Variants in CLIC1 observed in about 807,000 individuals in gnomAD.
CLIC1 encodes the protein CLIC family member 1.
Under a neutral mutation model 26.4 loss-of-function variants are expected in CLIC1, and 16 were observed. The observed-to-expected ratio is 0.61, with a 90% CI of 0.41 to 0.92. The LOEUF is 0.92. Among genes scored for constraint, CLIC1 ranks in the 40% least tolerant of loss-of-function variants. The pLI is 0.00. For missense variants in CLIC1, 225 were observed against 289.7 expected (o/e 0.78, Z 1.62); for synonymous variants, 98 against 120.8 (o/e 0.81, Z 1.24).
rs1808323320 is a variant in CLIC1, at chr6:31,736,255, T to C, written c.39+7A>G. The C allele has an allele frequency of 1.2e-6, 2 of 1,612,758 alleles. No homozygotes were observed. The highest frequency in any genetic ancestry group is 8.5e-7 in the Non-Finnish European group (1 of 1,179,904). ...ATTTGGGTGGCTGAGGAGAGAAGTG[T>C]TCTTACCTTCACGAACAATTCGACC... On this transcript the variant is annotated splice_region_variant and intron_variant, in intron 1 of 5. Transcript: ENST00000375784. This position sits in a 1 kb window ranked among gnomAD's most constrained non-coding sequence, Gnocchi z 5.0.
intron 1 of CLIC1, among the ~76,000 whole-genome samples, chr6:31,735,807 CCACACACACACACACACACA>C (rs9281564): frequency 8.0e-6 from 1 of 124,892 alleles, no homozygotes; most frequent in Non-Finnish European, 1.7e-5. Context: ...GCGTCTCCAT[CCACACACACACACACACACA>C]CACACACACA....
Position 31,730,985 on chromosome 6 carries a change from G to C in CLIC1, c.583C>G (p.Arg195Gly). 1.9e-6 allele frequency: 3 copies of C among 1,612,800 alleles called. No individual in the cohort carries two copies. The highest frequency in any genetic ancestry group is 1.3e-5 in the African/African-American group (1 of 75,030). ...AAGGCCTCGGGGATGGTGAATCCCC[G>C]GTACTTCTTACACACCACCTGAGGA... Residue 195 changes from arginine (R) to glycine (G), a missense_variant, in exon 6 of 6, where the codon CGG becomes GGG. Physicochemically the swap from Arg to Gly is moderately radical, Grantham distance 125. Coordinates refer to ENST00000375784, the Ensembl canonical transcript of CLIC1. This position sits in a 1 kb window ranked among gnomAD's most constrained non-coding sequence, Gnocchi z 5.1.
intron 5 of CLIC1, among the ~76,000 whole-genome samples, chr6:31,731,325 A>G (rs1418551489): frequency 1.3e-5 from 2 of 149,570 alleles, no homozygotes; most frequent in Admixed American, 6.7e-5. Flanking sequence ...TTTTTTTGAG[A>G]TGGAGTCTTG....
Position 31,736,221 on chromosome 6 carries a change from C to T in CLIC1, c.39+41G>A. ...GGACCGGGGGAAAGGTGAGAGTTGG[C>T]TTCCAGGAATTTGGGTGGCTGAGGA... On this transcript the variant is annotated intron_variant, in intron 1 of 5. Coordinates refer to ENST00000375784, the Ensembl canonical transcript of CLIC1. This position sits in a 1 kb window ranked among gnomAD's most constrained non-coding sequence, Gnocchi z 5.0. 6.2e-6 allele frequency: 10 copies of T among 1,608,674 alleles called. No individual in the cohort carries two copies. The highest frequency in any genetic ancestry group is 8.5e-6 in the Non-Finnish European group (10 of 1,176,256).
In CLIC1 at chr6:31,733,627, C is replaced by A; in HGVS notation, c.321G>T (p.Gly107=). ...CAGAAAATTTGGCAAATATGTCCAG[C>A]CCAGCTGTGTTGGACTCAGGGTTCA... The change falls in exon 4 of 6, where the codon GGG becomes GGT. Residue 107 remains glycine, a synonymous_variant. Transcript: ENST00000375784. The surrounding 1 kb of genome is among the most constrained non-coding windows in gnomAD (Gnocchi z 5.4). 6.2e-7 allele frequency: 1 copy of A among 1,613,070 alleles called. No individual in the cohort carries two copies. Among genetic ancestry groups the A allele is most frequent in the Middle Eastern group, 1.6e-4 (1 of 6,062 alleles).
rs149244360 is a variant in CLIC1, at chr6:31,734,886, G to C, written c.40-623C>G. Among the ~76,000 whole-genome samples, 9 of 152,212 alleles carry C rather than the reference G, an allele frequency of 5.9e-5. No homozygotes were observed. Among genetic ancestry groups the C allele is most frequent in the Non-Finnish European group, 1.0e-4 (7 of 67,994 alleles). ...CCTTCCTGTCAAGGATGTGGGGGAA[G>C]GGACAGTGAGGATGAGGCCTGGGCA... is the stretch of plus-strand genomic sequence containing the variant. On this transcript the variant is annotated intron_variant, in intron 1 of 5. Coordinates refer to ENST00000375784, the Ensembl canonical transcript of CLIC1. The surrounding 1 kb of genome is among the most constrained non-coding windows in gnomAD (Gnocchi z 5.3).
At chr6:31,735,727 G>A (rs573876155) in intron 1 of CLIC1, among the ~76,000 whole-genome samples, 94 of 149,380 alleles carry the variant, frequency 6.3e-4, no homozygotes, top group Non-Finnish European at 1.2e-3. Flanking sequence ...GTTTTGTTCC[G>A]CCCCTCCAAA....
upstream of CLIC1, chr6:31,736,709 C>T: frequency 9.7e-7 from 1 of 1,035,416 alleles, no homozygotes; most frequent in South Asian, 4.1e-5. This position sits in a 1 kb window ranked among gnomAD's most constrained non-coding sequence, Gnocchi z 5.0. Context: ...CTCTCCTGAA[C>T]ACAGGACTCT....
At chr6:31,731,277 A>G (rs1191306320) in intron 5 of CLIC1, among the ~76,000 whole-genome samples, 1 of 151,858 alleles carries the variant, frequency 6.6e-6, no homozygotes, top group Non-Finnish European at 1.5e-5. Flanking sequence ...GCACTGACAC[A>G]GGTGACTTTT....
In CLIC1 at chr6:31,732,795, G is replaced by A. The variant is rs971056819; in HGVS notation, c.383-397C>T. Among the ~76,000 whole-genome samples, 5 of 151,276 alleles carry A rather than the reference G, an allele frequency of 3.3e-5. No homozygotes were observed. Among genetic ancestry groups the A allele is most frequent in the Admixed American group, 6.6e-5 (1 of 15,174 alleles). On this transcript the variant is annotated intron_variant, in intron 4 of 5. Transcript: ENST00000375784. This position sits in a 1 kb window ranked among gnomAD's most constrained non-coding sequence, Gnocchi z 5.0. Reference sequence around the variant, plus strand: ...TAACCTCAGGTGGTGCGCTAGCCTCGGCCTCCCAAAGTGAACACTTTACAT... The same window carrying A: ...TAACCTCAGGTGGTGCGCTAGCCTCAGCCTCCCAAAGTGAACACTTTACAT...
chr6:31,736,762 C>T, upstream of CLIC1: 1 of 998,924 alleles, frequency 1.0e-6, no homozygotes, highest in Non-Finnish European at 1.2e-6. This position sits in a 1 kb window ranked among gnomAD's most constrained non-coding sequence, Gnocchi z 5.0. Context: ...GAGTACAACC[C>T]GACTGACCCT....
chr6:31,733,960 G>A lies in CLIC1; in HGVS notation c.151C>T (p.Arg51Trp), dbSNP rs763475647. Residue 51 changes from arginine (R) to tryptophan (W), a missense_variant and splice_region_variant, in exon 3 of 6, where the codon CGG (arginine) becomes TGG (tryptophan). Coordinates refer to ENST00000375784, the Ensembl canonical transcript of CLIC1. The surrounding 1 kb of genome is among the most constrained non-coding windows in gnomAD (Gnocchi z 5.4). ...CACAGCTTCTGCACTGTCTCGGTCC[G>A]CCTGGAGAAAGGATCAGGAATCAGG... The A allele has an allele frequency of 6.8e-6, 11 of 1,612,022 alleles. No homozygotes were observed. Among genetic ancestry groups the A allele is most frequent in the African/African-American group, 2.7e-5 (2 of 74,836 alleles).
chr6:31,736,365 G>A lies in CLIC1; in HGVS notation c.-65C>T. ...ACTGGGAGGGGCTGGGACCGGGGAA[G>A]GCGGGTCTCACACTCAGGGACTCTC... On this transcript the variant is annotated 5_prime_UTR_variant, in exon 1 of 6. Coordinates refer to ENST00000375784, the Ensembl canonical transcript of CLIC1. This position sits in a 1 kb window ranked among gnomAD's most constrained non-coding sequence, Gnocchi z 5.0. The A allele has an allele frequency of 6.2e-7, 1 of 1,611,330 alleles. No homozygotes were observed. The highest frequency in any genetic ancestry group is 1.3e-5 in the African/African-American group (1 of 74,966).
Position 31,734,344 on chromosome 6 carries a change from A to G in CLIC1, c.40-81T>C. 9.4e-7 allele frequency: 1 copy of G among 1,058,698 alleles called. No individual in the cohort carries two copies. Among genetic ancestry groups the G allele is most frequent in the Non-Finnish European group, 1.4e-6 (1 of 698,526 alleles). The allele number at this position is 1,058,698 out of a possible 1,614,324, so 65.6% of individuals were successfully genotyped here. A position where few individuals can be genotyped will look rare whatever the true frequency, so the allele number is the denominator to read the frequency against. ...CCAGTCCCTGCATTCCCACTCCCAG[A>G]CCAGCTGTTTTCTGCCTAGTCATGA... On this transcript the variant is annotated intron_variant, in intron 1 of 5. Transcript: ENST00000375784. The surrounding 1 kb of genome is among the most constrained non-coding windows in gnomAD (Gnocchi z 5.3).
chr6:31,734,056 G>C lies in CLIC1; in HGVS notation c.150-95C>G. The C allele has an allele frequency of 6.3e-7, 1 of 1,588,394 alleles. No individual in the cohort carries two copies. The highest frequency in any genetic ancestry group is 8.6e-7 in the Non-Finnish European group (1 of 1,159,124). ...CGTGGGATAAGAAAGGGACTCCAGGGGGAGGGCAAAAATGTTCATGACAGA... is the reference window on the plus strand; with the variant it reads ...CGTGGGATAAGAAAGGGACTCCAGGCGGAGGGCAAAAATGTTCATGACAGA... On this transcript the variant is annotated intron_variant, in intron 2 of 5. Transcript: ENST00000375784. The surrounding 1 kb of genome is among the most constrained non-coding windows in gnomAD (Gnocchi z 5.3).
Position 31,736,434 on chromosome 6 carries a change from A to G in CLIC1, c.-134T>C, listed in dbSNP as rs1174235758. Reference sequence around the variant, plus strand: ...GTCCCTTCAGCACAACACAAGCTCAATCAGACCTACTTGCACCCAAACTAG... The same window carrying G: ...GTCCCTTCAGCACAACACAAGCTCAGTCAGACCTACTTGCACCCAAACTAG... On this transcript the variant is annotated 5_prime_UTR_variant, in exon 1 of 6. Coordinates refer to ENST00000375784, the Ensembl canonical transcript of CLIC1. The surrounding 1 kb of genome is among the most constrained non-coding windows in gnomAD (Gnocchi z 5.0). 2.7e-5 allele frequency: 41 copies of G among 1,504,826 alleles called. No homozygotes were observed. Among genetic ancestry groups the G allele is most frequent in the African/African-American group, 4.1e-5 (3 of 72,434 alleles). The allele number at this position is 1,504,826 out of a possible 1,614,324, so 93.2% of individuals were successfully genotyped here.
chr6:31,732,165 C>T lies in CLIC1; in HGVS notation c.564+52G>A, dbSNP rs1808009128. 7.4e-7 allele frequency: 1 copy of T among 1,347,922 alleles called. No individual in the cohort carries two copies. The highest frequency in any genetic ancestry group is 9.7e-7 in the Non-Finnish European group (1 of 1,031,682). 83.5% of individuals were successfully genotyped at this position (1,347,922 alleles called of 1,614,324 possible). ...GTCAGGGGAAGCCCATGTGGGAGCT[C>T]CTTAAAGGGCCACTCCAGTGGTCAT... is the stretch of plus-strand genomic sequence containing the variant. On this transcript the variant is annotated intron_variant, in intron 5 of 5. Coordinates refer to ENST00000375784, the Ensembl canonical transcript of CLIC1. The surrounding 1 kb of genome is among the most constrained non-coding windows in gnomAD (Gnocchi z 5.0).
rs2151319182 is a variant in CLIC1, at chr6:31,734,798, C to T, written c.40-535G>A. ...TGCCCTCTAATTAGCAAGTGGTGAC[C>T]TCATTGGCCCAAGGGACACCTCCCC... On this transcript the variant is annotated intron_variant, in intron 1 of 5. Coordinates refer to ENST00000375784, the Ensembl canonical transcript of CLIC1. The surrounding 1 kb of genome is among the most constrained non-coding windows in gnomAD (Gnocchi z 5.3). 6.6e-6 allele frequency among the ~76,000 whole-genome samples: 1 copy of T among 152,220 alleles called. No homozygotes were observed. Among genetic ancestry groups the T allele is most frequent in the Non-Finnish European group, 1.5e-5 (1 of 67,996 alleles).
At position 31,733,720 on chromosome 6, in the gene CLIC1, C is replaced by A. The variant is rs1264147907; in HGVS notation, c.276-48G>T. Reference sequence around the variant, plus strand: ...AGGTAAGATGTCTTCCTGGGAGGAACCTCAGCTAGCTCTCCTGCCCCAGCC... The same window carrying A: ...AGGTAAGATGTCTTCCTGGGAGGAAACTCAGCTAGCTCTCCTGCCCCAGCC... On this transcript the variant is annotated intron_variant, in intron 3 of 5. Transcript: ENST00000375784. The surrounding 1 kb of genome is among the most constrained non-coding windows in gnomAD (Gnocchi z 5.4). 5.0e-6 allele frequency: 8 copies of A among 1,606,536 alleles called. No individual in the cohort carries two copies. The highest frequency in any genetic ancestry group is 6.8e-6 in the Non-Finnish European group (8 of 1,173,670).
Sources: gnomAD v4.1 joint callset for allele counts (sites outside exome capture counted in the v4.1 genomes callset) on GRCh38, gnomAD v4.1.1 for gene constraint, Gnocchi (gnomAD v3.1) non-coding constraint, MANE v1.5 for transcripts, NCBI Gene and HGNC (gene_info 2026-07-23, HGNC 2026-07-21) for gene names.